The following TBXAS1 variants were observed in gnomAD, a reference collection of about 807,000 sequenced individuals.
The protein encoded by TBXAS1 is thromboxane-A synthase.
In TBXAS1, 48 loss-of-function variants were observed where a neutral mutation model predicts 60.7. The observed-to-expected ratio is 0.79, with a 90% CI of 0.63 to 1.01. The LOEUF (loss-of-function observed/expected upper bound fraction) is 1.01. TBXAS1 is among the 50% of genes least tolerant of loss of function. The probability of loss-of-function intolerance (pLI) is 0.00; values close to 1 mark genes in which losing one functional copy is unlikely to be tolerated. For synonymous variants in TBXAS1, 287 were observed against 269.7 expected (o/e 1.06, Z -0.63); for missense variants, 685 against 686.3 (o/e 1.00, Z 0.02).
intron 4 of TBXAS1, among the ~76,000 whole-genome samples, chr7:139,791,902 G>A (rs1797396473): frequency 7.1e-6 from 1 of 139,956 alleles, no homozygotes; most frequent in South Asian, 2.5e-4. Flanking sequence ...GGTAGTTTTT[G>A]TGAAATTTAG....
rs1446283712 is a variant in TBXAS1 at position 140,020,259 on chromosome 7, T to C, written c.*160T>C. On this transcript the variant is annotated 3_prime_UTR_variant, in exon 13 of 13. Coordinates refer to ENST00000448866, the MANE Select transcript of TBXAS1 (RefSeq NM_001061.7). Reference sequence around the variant, plus strand: ...TACATAACATTTCCTAAATGCTTAATAAACGTTTGTTGCACTTGGTTTTGA... The same window carrying C: ...TACATAACATTTCCTAAATGCTTAACAAACGTTTGTTGCACTTGGTTTTGA... 1.3e-6 allele frequency: 1 copy of C among 766,398 alleles called. No homozygotes were observed. The highest frequency in any genetic ancestry group is 1.7e-5 in the African/African-American group (1 of 58,444). The allele number at this position is 766,398 out of a possible 1,614,324, so 47.5% of individuals were successfully genotyped here.
chr7:139,811,161 C>A lies in TBXAS1; in HGVS notation c.-79-18151C>A, dbSNP rs545027148. ...TTCAACCTGAAGTATATTGTGATTT[C>A]TCAATATCTCCTTCCACAGGGAAAC... On this transcript the variant is annotated intron_variant, in intron 4 of 16. Coordinates refer to the TBXAS1 transcript ENST00000336425. Among the ~76,000 whole-genome samples the A allele has an allele frequency of 2.5e-3, 383 of 152,356 alleles. 1 individual carries two copies. Among genetic ancestry groups the A allele is most frequent in the Admixed American group, 3.5e-3 (53 of 15,302 alleles).
intron 4 of TBXAS1, among the ~76,000 whole-genome samples, chr7:139,804,768 C>T (rs1797803794): frequency 6.6e-6 from 1 of 152,196 alleles, no homozygotes; most frequent in Non-Finnish European, 1.5e-5. Context: ...TAAGACATGC[C>T]TTTGCTCCTC....
chr7:140,011,285 CAAA>C (rs1814586339), intron 10 of TBXAS1, among the ~76,000 whole-genome samples: 1 of 6,260 alleles, frequency 1.6e-4, no homozygotes, highest in East Asian at 0.05. Context: ...TCAAAAAAAA[CAAA>C]CAAACAAACA....
intron 3 of TBXAS1, among the ~76,000 whole-genome samples, chr7:139,900,330 G>A (rs1282960099): frequency 2.0e-5 from 3 of 152,130 alleles, no homozygotes; most frequent in Admixed American, 6.5e-5. Flanking sequence ...CGCCTGGAAC[G>A]GATTTCTGTG....
intron 1 of TBXAS1, among the ~76,000 whole-genome samples, chr7:139,868,119 G>A (rs559755025): frequency 3.3e-5 from 5 of 152,254 alleles, no homozygotes; most frequent in African/African-American, 1.2e-4. Flanking sequence ...AACAATGACA[G>A]GTGTCCATAA....
chr7:139,840,571 C>T (rs113051089), intron 1 of TBXAS1, among the ~76,000 whole-genome samples: 1 of 152,110 alleles, frequency 6.6e-6, no homozygotes, highest in Admixed American at 6.5e-5. Flanking sequence ...CAACTAGACC[C>T]GCTGAGATGG....
chr7:139,883,426 C>T (rs1002503159), intron 3 of TBXAS1, among the ~76,000 whole-genome samples: 16 of 152,144 alleles, frequency 1.1e-4, no homozygotes, highest in Non-Finnish European at 2.1e-4. Flanking sequence ...CAGTTCATTT[C>T]CCCCCATCCT....
At chr7:139,788,287 T>C (rs1465024528) in intron 4 of TBXAS1, among the ~76,000 whole-genome samples, 1 of 152,248 alleles carries the variant, frequency 6.6e-6, no homozygotes, top group African/African-American at 2.4e-5. Flanking sequence ...CCTGCTCTTA[T>C]CTTATTCTGC....
intron 1 of TBXAS1, among the ~76,000 whole-genome samples, chr7:139,843,019 G>C (rs902616961): frequency 7.2e-5 from 11 of 152,132 alleles, no homozygotes; most frequent in Non-Finnish European, 1.5e-5. Flanking sequence ...GAGAGCCAGC[G>C]CCATACCCCG....
chr7:139,872,052 A>G (rs1444106353), intron 1 of TBXAS1, among the ~76,000 whole-genome samples, 183 bp from the exon 2 acceptor site: 2 of 152,170 alleles, frequency 1.3e-5, no homozygotes, highest in Non-Finnish European at 2.9e-5. Context: ...CAGGAGGTTG[A>G]CTGGACTCCT....
chr7:139,909,858 C>T (rs1584828579), intron 3 of TBXAS1, among the ~76,000 whole-genome samples: 1 of 152,180 alleles, frequency 6.6e-6, no homozygotes, highest in East Asian at 1.9e-4. Flanking sequence ...TGTCATTACA[C>T]AGTGGGCCGC....
At chr7:139,845,347 C>T (rs771846648) in intron 1 of TBXAS1, among the ~76,000 whole-genome samples, 23 of 152,134 alleles carry the variant, frequency 1.5e-4, no homozygotes, top group Non-Finnish European at 2.9e-4. Context: ...CCTCGCTTCT[C>T]ACCTGGTGCC....
chr7:139,872,098 G>T, intron 1 of TBXAS1, 137 bp from the exon 2 acceptor site: 4 of 786,548 alleles, frequency 5.1e-6, no homozygotes, highest in Admixed American at 4.3e-5. Context: ...CCAATTTTTT[G>T]GTTCTTAGAT....
chr7:139,990,587 A>T (rs771597688), intron 9 of TBXAS1, among the ~76,000 whole-genome samples: 2 of 150,992 alleles, frequency 1.3e-5, no homozygotes, highest in East Asian at 2.0e-4. Flanking sequence ...CCTGGTTCTG[A>T]CCCCTGAGAC....
At chr7:139,862,110 T>C (rs922423395) in intron 1 of TBXAS1, among the ~76,000 whole-genome samples, 6 of 152,206 alleles carry the variant, frequency 3.9e-5, no homozygotes, top group Non-Finnish European at 7.3e-5. Flanking sequence ...AAATCAGATT[T>C]AGATTAACTG....
At chr7:140,019,361 T>C (rs1815355887) in intron 12 of TBXAS1, among the ~76,000 whole-genome samples, 1 of 151,990 alleles carries the variant, frequency 6.6e-6, no homozygotes, top group South Asian at 2.1e-4. Flanking sequence ...TTGTCTCACT[T>C]CCCCACGATC....
intron 9 of TBXAS1, among the ~76,000 whole-genome samples, chr7:139,986,722 C>CATATACATCAT (rs1450460262): frequency 3.0e-5 from 2 of 66,076 alleles, no homozygotes; most frequent in Admixed American, 3.7e-4. Flanking sequence ...AGTATTCCAT[C>CATATACATCAT]ATATATATAT....
chr7:139,926,849 T>A (rs1267128220), intron 4 of TBXAS1, among the ~76,000 whole-genome samples: 1 of 152,128 alleles, frequency 6.6e-6, no homozygotes, highest in Non-Finnish European at 1.5e-5. Context: ...TTTCCAGAAA[T>A]TTTTCAATTT....
Sources: gnomAD v4.1 joint callset for allele counts (sites outside exome capture counted in the v4.1 genomes callset) on GRCh38, gnomAD v4.1.1 for gene constraint, MANE v1.5 for transcripts, NCBI Gene and HGNC (gene_info 2026-07-23, HGNC 2026-07-21) for gene names.